ATIC: variants seen among roughly 807,000 people sequenced by gnomAD.
The protein encoded by ATIC is bifunctional purine biosynthesis protein ATIC.
ATIC carries 64 observed loss-of-function variants against 72.5 expected under a neutral mutation model. The observed-to-expected ratio is 0.88, with a 90% CI of 0.72 to 1.09. The LOEUF (loss-of-function observed/expected upper bound fraction) is 1.09, where lower values mean the gene tolerates loss of function less well. Ranked by LOEUF, ATIC falls within the 50% of genes least tolerant of loss-of-function variation. ATIC has a pLI of 0.00. For missense variants in ATIC, 787 were observed against 732.4 expected (o/e 1.07, Z -0.86); for synonymous variants, 281 against 267.1 (o/e 1.05, Z -0.51).
rs752325172 is a variant in ATIC at position 215,319,663 on chromosome 2, A to G, written c.224-2A>G. 1.2e-5 allele frequency: 20 copies of G among 1,605,698 alleles called. No homozygotes were observed. The highest frequency in any genetic ancestry group is 1.6e-5 in the Non-Finnish European group (19 of 1,172,368). ...TGACTTTGTTTAACTTTTTTAAATTAGGAATCCTAGCTCGTAATATTCCAG... is the reference window on the plus strand; with the variant it reads ...TGACTTTGTTTAACTTTTTTAAATTGGGAATCCTAGCTCGTAATATTCCAG... On this transcript the variant is annotated splice_acceptor_variant, in intron 3 of 15. Transcript: ENST00000236959. LOFTEE classifies it high-confidence loss of function.
chr2:215,359,683 C>G, the ATIC span, among the ~76,000 whole-genome samples: 1 of 151,958 alleles, frequency 6.6e-6, no homozygotes, highest in African/African-American at 2.4e-5. Flanking sequence ...AATGAGATAG[C>G]TAAATGTCAA....
intron 4 of ATIC, among the ~76,000 whole-genome samples, chr2:215,321,362 G>GTT (rs57596614): frequency 1 from 152,356 of 152,372 alleles, 76,170 homozygotes; most frequent in Middle Eastern, 1. Context: ...GTCATACCCT[G>GTT]TTGTTTATCA....
chr2:215,366,494 A>G, the ATIC span, among the ~76,000 whole-genome samples: 4 of 152,224 alleles, frequency 2.6e-5, no homozygotes, highest in Non-Finnish European at 5.9e-5. Context: ...ATGCTAAATC[A>G]TTGGTTATTA....
At chr2:215,325,789 C>T (rs1427674687) in intron 5 of ATIC, among the ~76,000 whole-genome samples, 198 bp from the exon 6 acceptor site, 1 of 152,126 alleles carries the variant, frequency 6.6e-6, no homozygotes, top group African/African-American at 2.4e-5. Flanking sequence ...TGGTCTCGAA[C>T]TCCTGACCTC....
chr2:215,312,574 C>G lies in ATIC; in HGVS notation c.96C>G (p.Val32=), dbSNP rs2052665537. Reference sequence around the variant, plus strand: ...TGACCGCTCTTGGTTTGAATCTGGTCGCTTCCGGAGGGACTGCAAAAGCTC... The same window carrying G: ...TGACCGCTCTTGGTTTGAATCTGGTGGCTTCCGGAGGGACTGCAAAAGCTC... ...RNLTALGLNL[V]ASGGTAKALR... Residue 32 remains valine, a synonymous_variant, in exon 2 of 16, where the codon GTC becomes GTG. Coordinates refer to ENST00000236959, the MANE Select transcript of ATIC (RefSeq NM_004044.7). The G allele has an allele frequency of 6.2e-7, 1 of 1,614,074 alleles. No individual in the cohort carries two copies. The highest frequency in any genetic ancestry group is 1.7e-5 in the Admixed American group (1 of 60,002).
At chr2:215,334,897 C>T in intron 9 of ATIC, 22 bp from the exon 10 acceptor site, 1 of 1,587,908 alleles carries the variant, frequency 6.3e-7, no homozygotes, top group Admixed American at 1.7e-5. Flanking sequence ...TGATAAATAC[C>T]TCATTTTAAT....
At chr2:215,348,715 C>A (rs967475136) in intron 14 of ATIC, 2 of 399,128 alleles carry the variant, frequency 5.0e-6, no homozygotes, top group Non-Finnish European at 9.6e-6. Context: ...ATAATCCCAG[C>A]ACTTTGGGAG....
rs2052656023 is a variant in ATIC, at chr2:215,312,064, A to G, written c.-79A>G. 1.2e-5 allele frequency: 19 copies of G among 1,522,436 alleles called. No individual in the cohort carries two copies. The highest frequency in any genetic ancestry group is 1.5e-5 in the Non-Finnish European group (17 of 1,138,216). 94.3% of individuals were successfully genotyped at this position (1,522,436 alleles called of 1,614,324 possible). On this transcript the variant is annotated 5_prime_UTR_variant, in exon 1 of 16. Coordinates refer to ENST00000236959, the MANE Select transcript of ATIC (RefSeq NM_004044.7). ...GCCCCCTCGCTTCCTGAGCCGCCAC[A>G]TCCCGGCAGCCCTCCTACCTGCGCA...
chr2:215,320,606 G>T (rs1189443342), intron 4 of ATIC, among the ~76,000 whole-genome samples: 2 of 151,958 alleles, frequency 1.3e-5, no homozygotes, highest in Admixed American at 6.6e-5. Flanking sequence ...TTGAGACAGG[G>T]TCTCGCTCTG....
chr2:215,345,899 G>A (rs939376998), intron 13 of ATIC, among the ~76,000 whole-genome samples: 2 of 152,176 alleles, frequency 1.3e-5, no homozygotes, highest in African/African-American at 4.8e-5. Flanking sequence ...AGACAGCTTA[G>A]GGGCTGTTCA....
At chr2:215,344,634 C>T (rs999494641) in intron 12 of ATIC, 145 bp from the exon 13 acceptor site, 6 of 754,212 alleles carry the variant, frequency 8.0e-6, no homozygotes, top group South Asian at 1.6e-5. Flanking sequence ...GAGATTGTGC[C>T]GTTGGAGATT....
At chr2:215,320,833 C>T (rs561456892) in intron 4 of ATIC, among the ~76,000 whole-genome samples, 4 of 152,272 alleles carry the variant, frequency 2.6e-5, no homozygotes, top group South Asian at 2.1e-4. Context: ...GCACCCACCC[C>T]GGCCTCCCAA....
At chr2:215,347,797 C>G (rs991259389) in intron 14 of ATIC, 2 of 393,270 alleles carry the variant, frequency 5.1e-6, no homozygotes, top group South Asian at 2.1e-5. Context: ...AAAAGTATGT[C>G]AAAGCTAAAA....
At chr2:215,354,049 T>A (rs1260319805), downstream of ATIC, among the ~76,000 whole-genome samples, 6 of 151,316 alleles carry the variant, frequency 4.0e-5, no homozygotes, top group Admixed American at 2.0e-4. Flanking sequence ...TGAGACAGAG[T>A]CGTTCCCTGT....
At chr2:215,324,117 G>A (rs1263606151) in intron 4 of ATIC, among the ~76,000 whole-genome samples, 5 of 152,094 alleles carry the variant, frequency 3.3e-5, no homozygotes, top group African/African-American at 7.2e-5. Flanking sequence ...CGCTGGTCTC[G>A]AACTTCTGAC....
chr2:215,363,926 C>T, the ATIC span, among the ~76,000 whole-genome samples: 1 of 152,162 alleles, frequency 6.6e-6, no homozygotes, highest in African/African-American at 2.4e-5. Flanking sequence ...ATTTTCTTAC[C>T]AGAAGACAGC....
chr2:215,312,497 G>A lies in ATIC; in HGVS notation c.20-1G>A. ...ATGAGAAAAAATGTCTTCTCTTTCA[G>A]CCTTATTTAGTGTCTCTGACAAAAC... On this transcript the variant is annotated splice_acceptor_variant, in intron 1 of 15. Coordinates refer to ENST00000236959, the MANE Select transcript of ATIC (RefSeq NM_004044.7). LOFTEE classifies it high-confidence loss of function. The A allele has an allele frequency of 6.2e-7, 1 of 1,614,204 alleles. No individual in the cohort carries two copies.
chr2:215,312,433 C>T (rs770827611), intron 1 of ATIC, 65 bp from the exon 2 acceptor site: 4 of 1,613,584 alleles, frequency 2.5e-6, no homozygotes, highest in Admixed American at 1.7e-5. Context: ...CCAGACCCTC[C>T]CAAGGCCTTG....
chr2:215,364,731 CTA>C, the ATIC span: 120 of 688,196 alleles, frequency 1.7e-4, no homozygotes, highest in African/African-American at 1.7e-3. Flanking sequence ...CTCTAGAGCT[CTA>C]TGTCAGCAGT....
Sources: gnomAD v4.1 joint callset for allele counts (sites outside exome capture counted in the v4.1 genomes callset) on GRCh38, gnomAD v4.1.1 for gene constraint, MANE v1.5 for transcripts, NCBI Gene and HGNC (gene_info 2026-07-23, HGNC 2026-07-21) for gene names.